Variants in ABCG2 observed in about 807,000 individuals in gnomAD.
ABCG2 encodes the protein ATP binding cassette subfamily G member 2 (JR blood group), also known as broad substrate specificity ATP-binding cassette transporter ABCG2.
In ABCG2, 80 loss-of-function variants were observed where a neutral mutation model predicts 73.5. The observed-to-expected ratio is 1.09, with a 90% CI of 0.91 to 1.31. ABCG2 has a LOEUF of 1.31. Ranked by LOEUF, ABCG2 falls within the 50% of genes most tolerant of loss-of-function variation. The pLI, the probability that ABCG2 is intolerant of heterozygous loss-of-function variation, is 0.00. For missense variants in ABCG2, 796 were observed against 786.2 expected, an observed-to-expected ratio of 1.01 and a Z score of -0.15; for synonymous variants, 269 against 282.4, an observed-to-expected ratio of 0.95 and a Z score of 0.48.
chr4:88,150,254 T>C (rs949937770), intron 1 of ABCG2, among the ~76,000 whole-genome samples: 7 of 152,126 alleles, frequency 4.6e-5, no homozygotes, highest in African/African-American at 1.7e-4. Context: ...GAGGCAGAGA[T>C]TGCAGTGAGC....
In ABCG2 at chr4:88,165,927, T is replaced by C. The variant is rs77778163; in HGVS notation, c.-19-25913A>G. 1.8e-3 allele frequency among the ~76,000 whole-genome samples: 276 copies of C among 151,994 alleles called. 3 individuals are homozygous for C. Among genetic ancestry groups the C allele is most frequent in the East Asian group, 0.018 (91 of 5,178 alleles). ...TTAGATTAACAATCTTCATTTCATC[T>C]GGAACCTTAATTCTCCTTTGCTAAA... is the stretch of plus-strand genomic sequence containing the variant. On this transcript the variant is annotated intron_variant, in intron 1 of 15. Transcript: ENST00000515655.
intron 1 of ABCG2, among the ~76,000 whole-genome samples, chr4:88,210,198 C>T (rs1289354308): frequency 6.6e-6 from 1 of 151,434 alleles, no homozygotes; most frequent in Non-Finnish European, 1.5e-5. Flanking sequence ...CACACACACA[C>T]ACACACACAC....
intron 9 of ABCG2, among the ~76,000 whole-genome samples, chr4:88,108,117 A>C (rs1381464238): frequency 6.6e-6 from 1 of 150,990 alleles, no homozygotes; most frequent in Non-Finnish European, 1.5e-5. Context: ...TTCTAGGATA[A>C]AGGGTCTCTT....
intron 1 of ABCG2, among the ~76,000 whole-genome samples, chr4:88,151,431 GA>G (rs1270594990): frequency 1.3e-5 from 2 of 152,128 alleles, no homozygotes; most frequent in African/African-American, 4.8e-5. Context: ...TCAATCATCG[GA>G]ATTGCAGTAA....
intron 12 of ABCG2, 144 bp from the exon 13 acceptor site, chr4:88,097,751 G>T: frequency 1.3e-6 from 1 of 797,492 alleles, no homozygotes; most frequent in Non-Finnish European, 1.9e-6. Flanking sequence ...AACCACCCTC[G>T]GTCTCCAATG....
In ABCG2 at chr4:88,094,644, C is replaced by G; in HGVS notation, c.1753G>C (p.Glu585Gln). Residue 585 changes from glutamate to glutamine, a missense_variant, in exon 15 of 16, where the codon GAA becomes CAA. Coordinates refer to ENST00000237612, the MANE Select transcript of ABCG2 (RefSeq NM_004827.3). ...RYGFTALQHN[E>Q]FLGQNFCPGL... ...GGGCAGAAGTTTTGTCCCAAAAATT[C>G]ATTATGCTGCAAAGCCTATAACACA... 2 of 1,613,706 alleles carry G rather than the reference C, an allele frequency of 1.2e-6. No individual in the cohort carries two copies. The highest frequency in any genetic ancestry group is 1.7e-6 in the Non-Finnish European group (2 of 1,179,588).
At chr4:88,188,642 CA>C (rs35965485) in intron 1 of ABCG2, among the ~76,000 whole-genome samples, 128,043 of 152,110 alleles carry the variant, frequency 0.84, 54,068 homozygotes, top group East Asian at 1. Context: ...TCTATTTCTA[CA>C]AAAAAATGGC....
At chr4:88,219,576 ATTTTTTTTTTT>A (rs5860122) in intron 1 of ABCG2, among the ~76,000 whole-genome samples, 1 of 90,872 alleles carries the variant, frequency 1.1e-5, no homozygotes, top group Non-Finnish European at 2.0e-5. Flanking sequence ...TACCATTCAA[ATTTTTTTTTTT>A]TTTTTTTTTT....
intron 12 of ABCG2, among the ~76,000 whole-genome samples, chr4:88,098,413 A>G (rs1182991824): frequency 6.6e-5 from 10 of 152,048 alleles, no homozygotes; most frequent in African/African-American, 2.4e-4. Flanking sequence ...ATAATGCACA[A>G]ATGAGTCTCC....
intron 9 of ABCG2, among the ~76,000 whole-genome samples, chr4:88,108,439 C>T (rs1722905019): frequency 6.6e-6 from 1 of 151,756 alleles, no homozygotes; most frequent in African/African-American, 2.4e-5. Context: ...GGCTGAGGCA[C>T]AAGAATCACT....
chr4:88,175,962 T>C (rs1727948606), intron 1 of ABCG2, among the ~76,000 whole-genome samples: 2 of 152,254 alleles, frequency 1.3e-5, no homozygotes, highest in African/African-American at 4.8e-5. Context: ...AGACATTTGC[T>C]ATGTTATTCA....
At chr4:88,095,322 A>G (rs1721910354) in intron 14 of ABCG2, among the ~76,000 whole-genome samples, 198 bp downstream of exon 14, 2 of 152,206 alleles carry the variant, frequency 1.3e-5, no homozygotes, top group Admixed American at 1.3e-4. Context: ...TTAAAGGATG[A>G]CTGAGGAAAA....
chr4:88,143,105 T>C (rs1488022036), intron 1 of ABCG2, among the ~76,000 whole-genome samples: 4 of 152,272 alleles, frequency 2.6e-5, no homozygotes, highest in South Asian at 2.1e-4. Context: ...CTAGAGATGA[T>C]TTAAAGTATA....
At chr4:88,145,305 A>G (rs1387900058) in intron 1 of ABCG2, among the ~76,000 whole-genome samples, 1 of 152,242 alleles carries the variant, frequency 6.6e-6, no homozygotes, top group East Asian at 1.9e-4. Flanking sequence ...TTTAACTTAC[A>G]TAAATTGTCC....
At chr4:88,176,154 C>CTCGGTTTTTTT in intron 1 of ABCG2, among the ~76,000 whole-genome samples, 5 of 125,812 alleles carry the variant, frequency 4.0e-5, no homozygotes, top group African/African-American at 1.4e-4. Flanking sequence ...TATGATTATT[C>CTCGGTTTTTTT]TTGTTTTTTT....
chr4:88,140,133 T>G, intron 1 of ABCG2, 119 bp from the exon 2 acceptor site: 3 of 804,870 alleles, frequency 3.7e-6, no homozygotes, highest in Non-Finnish European at 5.9e-6. Context: ...CAGCTTCATT[T>G]CCAATGAATG....
At chr4:88,187,977 A>G (rs1387288683) in intron 1 of ABCG2, among the ~76,000 whole-genome samples, 2 of 152,198 alleles carry the variant, frequency 1.3e-5, no homozygotes, top group Non-Finnish European at 2.9e-5. Flanking sequence ...TGGGATTGCT[A>G]TTGGCATGTG....
At chr4:88,131,282 T>C (rs1398323388) in intron 4 of ABCG2, 69 bp from the exon 5 acceptor site, 7 of 1,477,414 alleles carry the variant, frequency 4.7e-6, no homozygotes, top group African/African-American at 1.4e-5. Flanking sequence ...GACTGTTTAG[T>C]ATACATAACA....
At chr4:88,221,044 G>A (rs745768037) in intron 1 of ABCG2, among the ~76,000 whole-genome samples, 2 of 152,106 alleles carry the variant, frequency 1.3e-5, no homozygotes, top group Non-Finnish European at 2.9e-5. Flanking sequence ...CAAGGTGGGC[G>A]GATCACTTGA....
Sources: allele counts gnomAD v4.1 joint callset (sites outside exome capture counted in the v4.1 genomes callset), GRCh38; gene constraint gnomAD v4.1.1; transcripts MANE v1.5; gene names NCBI Gene and HGNC (gene_info 2026-07-23, HGNC 2026-07-21).